NME7: variants seen among roughly 807,000 people sequenced by gnomAD.
NME7 encodes NME/NM23 family member 7.
NME7 carries 41 observed loss-of-function variants against 49.1 expected under a neutral mutation model. The ratio of observed to expected loss-of-function variants is 0.83; its 90% CI spans 0.65 to 1.08. The LOEUF (loss-of-function observed/expected upper bound fraction) is 1.08. Ranked by LOEUF, NME7 falls within the 50% of genes least tolerant of loss-of-function variation. The pLI is 0.00. For synonymous variants in NME7, 139 were observed against 150.6 expected, an observed-to-expected ratio of 0.92 and a Z score of 0.56; for missense variants, 423 against 463.4, an observed-to-expected ratio of 0.91 and a Z score of 0.80.
intron 10 of NME7, among the ~76,000 whole-genome samples, chr1:169,228,302 C>T (rs1167745963): frequency 6.6e-6 from 1 of 152,040 alleles, no homozygotes; most frequent in Non-Finnish European, 1.5e-5. Flanking sequence ...TTATTTCTTT[C>T]CTTTTTTGTT....
At chr1:169,197,252 T>C (rs1660404087) in intron 10 of NME7, among the ~76,000 whole-genome samples, 1 of 152,212 alleles carries the variant, frequency 6.6e-6, no homozygotes, top group African/African-American at 2.4e-5. Flanking sequence ...ACTATGCTTT[T>C]AGATTTTATT....
rs929854397 is a variant in NME7 at position 169,193,961 on chromosome 1, G to A, written c.991-24407C>T. 3.3e-5 allele frequency among the ~76,000 whole-genome samples: 5 copies of A among 151,726 alleles called. No individual in the cohort carries two copies. In the East Asian group the frequency reaches 9.7e-4, roughly 29 times the overall value. On this transcript the variant is annotated intron_variant, in intron 10 of 11. Transcript: ENST00000367811. Reference sequence around the variant, plus strand: ...CAGTTAAAAAAAAATCACTAGGGAAGAATAGTTTTAAAAAGAAAAAAGAAA... The same window carrying A: ...CAGTTAAAAAAAAATCACTAGGGAAAAATAGTTTTAAAAAGAAAAAAGAAA...
At chr1:169,201,092 G>A (rs2101778454) in intron 10 of NME7, among the ~76,000 whole-genome samples, 1 of 152,190 alleles carries the variant, frequency 6.6e-6, no homozygotes, top group Middle Eastern at 3.4e-3. Flanking sequence ...TGGGCCAGGT[G>A]TGGCGGCACG....
Position 169,245,148 on chromosome 1 carries a change from T to C in NME7, c.755-7461A>G, listed in dbSNP as rs150834062. On this transcript the variant is annotated intron_variant, in intron 7 of 11. Transcript: ENST00000367811. ...TGTCTCAGAACAACAACAACAAAAA[T>C]AAAACAAATAAACAGAAAATCATAG... is the stretch of plus-strand genomic sequence containing the variant. Among the ~76,000 whole-genome samples, 561 of 151,970 alleles carry C rather than the reference T, an allele frequency of 3.7e-3. 6 individuals carry two copies. The highest frequency in any genetic ancestry group is 6.0e-3 in the Admixed American group (92 of 15,240).
At chr1:169,203,714 G>A (rs1037266073) in intron 10 of NME7, among the ~76,000 whole-genome samples, 26 of 152,074 alleles carry the variant, frequency 1.7e-4, no homozygotes, top group African/African-American at 6.0e-4. Flanking sequence ...TGGTTTATAT[G>A]GTTGATATCA....
chr1:169,224,224 G>C (rs746503245), intron 10 of NME7, among the ~76,000 whole-genome samples: 3 of 152,134 alleles, frequency 2.0e-5, no homozygotes, highest in Non-Finnish European at 2.9e-5. Flanking sequence ...CTGCCTCCAA[G>C]TGTGAATGCT....
intron 3 of NME7, among the ~76,000 whole-genome samples, chr1:169,313,878 T>C (rs1211772238): frequency 6.6e-6 from 1 of 151,994 alleles, no homozygotes; most frequent in Admixed American, 6.5e-5. Context: ...CAAAATGGAA[T>C]AAGCAGATCT....
In NME7 at chr1:169,186,862, T is replaced by G. The variant is rs532834841; in HGVS notation, c.991-17308A>C. 3.9e-5 allele frequency among the ~76,000 whole-genome samples: 6 copies of G among 152,322 alleles called. No individual in the cohort carries two copies. The East Asian group carries it at 1.2e-3, about 29-fold the overall frequency. On this transcript the variant is annotated intron_variant, in intron 10 of 11. Coordinates refer to ENST00000367811, the MANE Select transcript of NME7 (RefSeq NM_013330.5). Reference sequence around the variant, plus strand: ...GATGTTAGGGTGTCAATTTTAGATCTTTCCAGCTTTCTGATGTGGGCATTT... The same window carrying G: ...GATGTTAGGGTGTCAATTTTAGATCGTTCCAGCTTTCTGATGTGGGCATTT...
chr1:169,194,146 T>C (rs1055155326), intron 10 of NME7, among the ~76,000 whole-genome samples: 1 of 151,412 alleles, frequency 6.6e-6, no homozygotes, highest in African/African-American at 2.4e-5. Context: ...AATAAAAACA[T>C]AGAGATTAAA....
intron 3 of NME7, among the ~76,000 whole-genome samples, chr1:169,321,865 G>T (rs1346136006): frequency 6.6e-6 from 1 of 152,026 alleles, no homozygotes; most frequent in Admixed American, 6.6e-5. Context: ...AATCATTTTT[G>T]GAGCCTTTTA....
chr1:169,238,026 C>T (rs957905793), intron 7 of NME7, among the ~76,000 whole-genome samples: 8 of 151,730 alleles, frequency 5.3e-5, no homozygotes, highest in South Asian at 2.1e-4. Context: ...TACAAAGAAA[C>T]GAAATGCCAA....
At chr1:169,251,591 G>C (rs60929546) in intron 7 of NME7, among the ~76,000 whole-genome samples, 1,985 of 133,780 alleles carry the variant, frequency 0.015, 37 homozygotes, top group African/African-American at 0.048. Flanking sequence ...TTAAGTTTTA[G>C]GGTACATGTG....
chr1:169,233,228 A>G (rs1234166383), intron 9 of NME7, among the ~76,000 whole-genome samples: 1 of 152,160 alleles, frequency 6.6e-6, no homozygotes. Flanking sequence ...TACTGTTTTA[A>G]GATTCTTAGC....
intron 1 of NME7, among the ~76,000 whole-genome samples, chr1:169,366,034 G>C (rs1195722751): frequency 6.6e-6 from 1 of 152,190 alleles, no homozygotes; most frequent in East Asian, 1.9e-4. Flanking sequence ...ACTGAGTTAG[G>C]CATTAGTAGA....
chr1:169,223,823 G>A (rs1661219795), intron 10 of NME7, among the ~76,000 whole-genome samples: 1 of 152,068 alleles, frequency 6.6e-6, no homozygotes, highest in African/African-American at 2.4e-5. Context: ...TTTTCTGAGT[G>A]TGTACACATA....
At chr1:169,300,263 G>C (rs1571368754) in intron 5 of NME7, among the ~76,000 whole-genome samples, 1 of 152,186 alleles carries the variant, frequency 6.6e-6, no homozygotes, top group East Asian at 1.9e-4. Context: ...TATACCAAAA[G>C]ATAATTTCCA....
At position 169,161,729 on chromosome 1, in the gene NME7, GAACT is replaced by G. The variant is rs1157350730; in HGVS notation, c.1098+7714_1098+7717del. Among the ~76,000 whole-genome samples, 4 of 152,228 alleles carry G rather than the reference GAACT, an allele frequency of 2.6e-5. 1 individual carries two copies. In the East Asian group the frequency reaches 7.7e-4, roughly 29 times the overall value. On this transcript the variant is annotated intron_variant, in intron 11 of 11. Coordinates refer to ENST00000367811, the MANE Select transcript of NME7 (RefSeq NM_013330.5). Reference sequence around the variant, plus strand: ...AGTCTATAGTTTAACCTGAAAACAAGAACTAACCCCTTCCTGGCTAGGGAACTGA... The same window carrying G: ...AGTCTATAGTTTAACCTGAAAACAAGAACCCCTTCCTGGCTAGGGAACTGA...
At chr1:169,158,102 T>C (rs777464387) in intron 11 of NME7, among the ~76,000 whole-genome samples, 2 of 152,206 alleles carry the variant, frequency 1.3e-5, no homozygotes, top group African/African-American at 2.4e-5. Context: ...AGTTTAACTA[T>C]CAGCCATATC....
At chr1:169,302,299 GCA>G (rs1337138406) in intron 5 of NME7, 1 of 152,022 alleles carries the variant, frequency 6.6e-6, no homozygotes, top group Non-Finnish European at 1.5e-5. Flanking sequence ...AAAGATACAT[GCA>G]CTTGCCTGTT....
Sources: gnomAD v4.1 joint callset for allele counts (sites outside exome capture counted in the v4.1 genomes callset) on GRCh38, gnomAD v4.1.1 for gene constraint, MANE v1.5 for transcripts, NCBI Gene and HGNC (gene_info 2026-07-23, HGNC 2026-07-21) for gene names.